Variants in PCBP3 observed in about 807,000 individuals in gnomAD.
The protein encoded by PCBP3 is poly(rC)-binding protein 3.
PCBP3 carries 25 observed loss-of-function variants against 52.7 expected under a neutral mutation model. The observed-to-expected ratio is 0.47, with a 90% confidence interval of 0.35 to 0.66. The LOEUF is 0.66. PCBP3 is among the 30% of genes least tolerant of loss of function. PCBP3 has a pLI of 0.01. For missense variants in PCBP3, 391 were observed against 490.3 expected, an observed-to-expected ratio of 0.80 and a Z score of 1.91; for synonymous variants, 162 against 183.0, an observed-to-expected ratio of 0.89 and a Z score of 0.93.
At chr21:45,786,776 G>T (rs1603426399) in intron 4 of PCBP3, among the ~76,000 whole-genome samples, 1 of 152,208 alleles carries the variant, frequency 6.6e-6, no homozygotes, top group Non-Finnish European at 1.5e-5. Flanking sequence ...GGGGGTGCCT[G>T]CACAGCAGGA....
intron 2 of PCBP3, among the ~76,000 whole-genome samples, chr21:45,722,775 G>C (rs1416032510): frequency 6.6e-6 from 1 of 151,998 alleles, no homozygotes; most frequent in Non-Finnish European, 1.5e-5. Context: ...GCCAAGTGGG[G>C]GTGGATCATG....
intron 4 of PCBP3, among the ~76,000 whole-genome samples, chr21:45,796,989 G>T (rs146712519): frequency 2.3e-3 from 354 of 152,344 alleles, no homozygotes; most frequent in Non-Finnish European, 3.7e-3. Flanking sequence ...CTGGGGACAG[G>T]CCATGGAGAA....
intron 14 of PCBP3, 139 bp downstream of exon 14, chr21:45,930,134 C>T (rs530513508): frequency 1.2e-5 from 3 of 257,440 alleles, no homozygotes; most frequent in Admixed American, 4.5e-5. Flanking sequence ...TCACATGCAG[C>T]AGGCTTGCTG....
chr21:45,866,422 C>T (rs1054541761), intron 5 of PCBP3, among the ~76,000 whole-genome samples: 1 of 152,190 alleles, frequency 6.6e-6, no homozygotes, highest in Non-Finnish European at 1.5e-5. Context: ...AAGAGAGGCT[C>T]ATGGAACGTG....
At chr21:45,646,101 CTCTCTCTGTGTGTG>C (rs1028594776) in intron 1 of PCBP3, among the ~76,000 whole-genome samples, 5 of 76,434 alleles carry the variant, frequency 6.5e-5, no homozygotes, top group African/African-American at 2.2e-4. Flanking sequence ...CTCTCTCTCT[CTCTCTCTGTGTGTG>C]TGTGTGTGTG....
chr21:45,684,131 G>T (rs1316393514), intron 2 of PCBP3, among the ~76,000 whole-genome samples: 1 of 151,892 alleles, frequency 6.6e-6, no homozygotes, highest in African/African-American at 2.4e-5. Context: ...TGGAGGTTGA[G>T]GCAGAAGGAT....
intron 2 of PCBP3, among the ~76,000 whole-genome samples, chr21:45,712,068 T>C (rs1426009666): frequency 1.3e-5 from 2 of 152,262 alleles, no homozygotes; most frequent in East Asian, 1.9e-4. Context: ...TCTGTCTTCA[T>C]ATCTTGATAG....
At position 45,691,217 on chromosome 21, in the gene PCBP3, A is replaced by C. The variant is rs150206527; in HGVS notation, c.-200+22265A>C. Among the ~76,000 whole-genome samples, 565 of 152,000 alleles carry C rather than the reference A, an allele frequency of 3.7e-3. 2 individuals carry two copies. Among genetic ancestry groups the C allele is most frequent in the African/African-American group, 0.013 (546 of 41,496 alleles). On this transcript the variant is annotated intron_variant, in intron 2 of 17. Transcript: ENST00000681687. ...ATGGATTCATCTTAAAAATGATGAAAGAAGTAAGCCAGACATAACAAAAGA... is the reference window on the plus strand; with the variant it reads ...ATGGATTCATCTTAAAAATGATGAACGAAGTAAGCCAGACATAACAAAAGA...
At chr21:45,745,044 G>A (rs1466401506) in intron 3 of PCBP3, among the ~76,000 whole-genome samples, 3 of 152,178 alleles carry the variant, frequency 2.0e-5, no homozygotes, top group East Asian at 1.9e-4. Flanking sequence ...AGGCTGTCAC[G>A]GAGCAGCAGG....
At chr21:45,738,572 G>A (rs531171651) in intron 3 of PCBP3, among the ~76,000 whole-genome samples, 5 of 152,114 alleles carry the variant, frequency 3.3e-5, no homozygotes, top group Non-Finnish European at 5.9e-5. Context: ...TTTGCTTTCC[G>A]TAAGATAACA....
intron 5 of PCBP3, among the ~76,000 whole-genome samples, chr21:45,882,759 CA>C (rs1422071637): frequency 6.6e-6 from 1 of 152,120 alleles, no homozygotes; most frequent in Admixed American, 6.5e-5. Flanking sequence ...CCAGTTTCCC[CA>C]ACACCGTTTA....
intron 2 of PCBP3, among the ~76,000 whole-genome samples, chr21:45,731,154 TTTTATTACC>T (rs1430272674): frequency 5.3e-5 from 8 of 152,170 alleles, no homozygotes; most frequent in African/African-American, 1.9e-4. Context: ...CTATGATCAG[TTTTATTACC>T]TTTACTAGCT....
chr21:45,779,387 A>G (rs1286984311), intron 4 of PCBP3, among the ~76,000 whole-genome samples: 1 of 152,154 alleles, frequency 6.6e-6, no homozygotes, highest in Non-Finnish European at 1.5e-5. Context: ...TGTGTTGGGA[A>G]GTCACTCTTG....
intron 4 of PCBP3, among the ~76,000 whole-genome samples, chr21:45,784,605 C>T (rs2090955401): frequency 1.3e-5 from 2 of 152,156 alleles, no homozygotes. Flanking sequence ...CAATTGCAGG[C>T]GCGCGCCGCC....
At chr21:45,832,110 G>A (rs2093465493) in intron 4 of PCBP3, among the ~76,000 whole-genome samples, 1 of 152,210 alleles carries the variant, frequency 6.6e-6, no homozygotes, top group Non-Finnish European at 1.5e-5. Flanking sequence ...GTTCTTGATT[G>A]TATACTAAAC....
intron 5 of PCBP3, among the ~76,000 whole-genome samples, chr21:45,875,184 G>A (rs1429608601): frequency 2.0e-5 from 3 of 151,862 alleles, no homozygotes; most frequent in African/African-American, 4.8e-5. Context: ...GACTCACCGG[G>A]GCTGGGGGCC....
At chr21:45,881,096 C>A (rs948081006) in intron 5 of PCBP3, among the ~76,000 whole-genome samples, 3 of 152,172 alleles carry the variant, frequency 2.0e-5, no homozygotes, top group Non-Finnish European at 4.4e-5. Context: ...CCCTCTATTC[C>A]TGTTTTTTTC....
At position 45,691,773 on chromosome 21, in the gene PCBP3, A is replaced by G. The variant is rs551953944; in HGVS notation, c.-200+22821A>G. Among the ~76,000 whole-genome samples, 41 of 152,282 alleles carry G rather than the reference A, an allele frequency of 2.7e-4. No individual in the cohort carries two copies. In the East Asian group the frequency reaches 7.7e-3, roughly 29 times the overall value. On this transcript the variant is annotated intron_variant, in intron 2 of 17. Transcript: ENST00000681687. ...AATCACATGTGGTTGAAGCTGAGGG[A>G]TTCTATGGGAGAAAAGAAAAACCAG...
At chr21:45,649,436 GA>G (rs1484532426) in intron 1 of PCBP3, among the ~76,000 whole-genome samples, 5 of 152,116 alleles carry the variant, frequency 3.3e-5, no homozygotes, top group African/African-American at 1.2e-4. Context: ...AGTCTACTTA[GA>G]ACTTATTTTT....
Sources: gnomAD v4.1 joint callset for allele counts (sites outside exome capture counted in the v4.1 genomes callset) on GRCh38, gnomAD v4.1.1 for gene constraint, MANE v1.5 for transcripts, NCBI Gene and HGNC (gene_info 2026-07-23, HGNC 2026-07-21) for gene names.